Variants in SIK3 observed in about 807,000 individuals in gnomAD.
The protein encoded by SIK3 is serine/threonine-protein kinase SIK3.
A neutral mutation model predicts 144.2 loss-of-function variants in SIK3; 28 were observed. The ratio of observed to expected loss-of-function variants is 0.19; its 90% CI spans 0.14 to 0.27. The LOEUF is 0.27. SIK3 is among the 10% of genes least tolerant of loss of function. SIK3 has a pLI of 1.00. For missense variants in SIK3, 1,319 were observed against 1,776.0 expected, an observed-to-expected ratio of 0.74 and a Z score of 4.62; for synonymous variants, 686 against 676.3, an observed-to-expected ratio of 1.01 and a Z score of -0.22.
intron 21 of SIK3, among the ~76,000 whole-genome samples, chr11:116,854,942 C>T (rs996902589): frequency 2.0e-5 from 3 of 151,654 alleles, no homozygotes; most frequent in Middle Eastern, 3.2e-3. Context: ...AAAAATTAGC[C>T]GGGTGCGGTA....
intron 3 of SIK3, among the ~76,000 whole-genome samples, chr11:116,948,849 C>A (rs2135353484): frequency 2.0e-5 from 3 of 149,692 alleles, no homozygotes; most frequent in Admixed American, 6.7e-5. Context: ...AAAACTGAAG[C>A]AAGCAGAAAG....
intron 1 of SIK3, among the ~76,000 whole-genome samples, chr11:116,981,383 T>TGATGG (rs1950135291): frequency 6.6e-6 from 1 of 152,226 alleles, no homozygotes; most frequent in Admixed American, 6.5e-5. Flanking sequence ...CAGAGTATGC[T>TGATGG]GATGGGTTCC....
intron 1 of SIK3, among the ~76,000 whole-genome samples, chr11:117,019,730 C>G (rs1189128617): frequency 6.6e-6 from 1 of 152,032 alleles, no homozygotes; most frequent in Admixed American, 6.5e-5. Context: ...TCTCCTGCCT[C>G]AGCCTCCTGA....
intron 1 of SIK3, among the ~76,000 whole-genome samples, chr11:116,960,015 G>A (rs1317441211): frequency 3.9e-5 from 6 of 152,116 alleles, no homozygotes; most frequent in Admixed American, 1.3e-4. Context: ...TTGTATCCAT[G>A]CAGCAAAATA....
intron 1 of SIK3, among the ~76,000 whole-genome samples, chr11:117,041,973 C>T (rs1469876785): frequency 6.6e-6 from 1 of 151,770 alleles, no homozygotes; most frequent in Non-Finnish European, 1.5e-5. Flanking sequence ...TCTATTCTTC[C>T]ATTCATATGT....
chr11:116,982,228 A>G (rs977049299), intron 1 of SIK3, among the ~76,000 whole-genome samples: 1 of 150,930 alleles, frequency 6.6e-6, no homozygotes, highest in Non-Finnish European at 1.5e-5. Context: ...CTTTCCTCTA[A>G]TCCTACAAGA....
rs71037442 is a variant in SIK3 at position 117,013,972 on chromosome 11, C to CTTTTTTTTTTTTTTT, written c.274-56923_274-56909dup. On this transcript the variant is annotated intron_variant, in intron 1 of 24. Transcript: ENST00000445177. Reference sequence around the variant, plus strand: ...TGTGTTTTATTTCTTTTTTTCTTTTCTTTTTTTTTTTTTTTTTTTTTTGAG... The same window carrying CTTTTTTTTTTTTTTT: ...TGTGTTTTATTTCTTTTTTTCTTTTCTTTTTTTTTTTTTTTTTTTTTTTTTTTTTTTTTTTTTGAG... Among the ~76,000 whole-genome samples, 226 of 26,954 alleles carry CTTTTTTTTTTTTTTT rather than the reference C, an allele frequency of 8.4e-3. 42 individuals are homozygous for CTTTTTTTTTTTTTTT. Among genetic ancestry groups the CTTTTTTTTTTTTTTT allele is most frequent in the Non-Finnish European group, 0.011 (146 of 13,358 alleles). The allele number at this position is 26,954 out of a possible 152,430, so 17.7% of individuals were successfully genotyped here.
chr11:117,048,573 C>G (rs1473051187), intron 1 of SIK3, among the ~76,000 whole-genome samples: 3 of 151,952 alleles, frequency 2.0e-5, no homozygotes, highest in Non-Finnish European at 4.4e-5. Flanking sequence ...GGAGAATCAC[C>G]TGAACCCTAG....
chr11:116,912,796 A>C (rs934488307), intron 4 of SIK3, among the ~76,000 whole-genome samples: 5 of 152,256 alleles, frequency 3.3e-5, no homozygotes, highest in Non-Finnish European at 7.3e-5. Flanking sequence ...TTAGAGACCC[A>C]AAGATGAAGA....
At chr11:117,053,681 G>A (rs749774209) in intron 1 of SIK3, among the ~76,000 whole-genome samples, 61 of 148,426 alleles carry the variant, frequency 4.1e-4, no homozygotes, top group Non-Finnish European at 7.3e-4. Flanking sequence ...CTGAGACAAG[G>A]TCTTACTCTG....
intron 1 of SIK3, among the ~76,000 whole-genome samples, chr11:117,076,875 A>T (rs1954567727): frequency 6.6e-6 from 1 of 152,126 alleles, no homozygotes; most frequent in African/African-American, 2.4e-5. Flanking sequence ...CTGGAATGAG[A>T]CCAGGTGTGG....
chr11:116,991,524 G>A (rs1220408589), intron 1 of SIK3, among the ~76,000 whole-genome samples: 1 of 152,082 alleles, frequency 6.6e-6, no homozygotes, highest in Non-Finnish European at 1.5e-5. Flanking sequence ...GGTATAATTT[G>A]AACACTCTAA....
At chr11:117,051,508 T>C (rs914821293) in intron 1 of SIK3, among the ~76,000 whole-genome samples, 4 of 151,960 alleles carry the variant, frequency 2.6e-5, no homozygotes, top group South Asian at 2.1e-4. Flanking sequence ...AAACTTATTA[T>C]GAAGGTTTTG....
chr11:116,878,410 G>A (rs906815790), intron 6 of SIK3, among the ~76,000 whole-genome samples: 15 of 141,254 alleles, frequency 1.1e-4, no homozygotes, highest in East Asian at 4.1e-4. Flanking sequence ...ATAGAGTCTC[G>A]CTCTGTCACC....
intron 1 of SIK3, among the ~76,000 whole-genome samples, chr11:116,970,093 T>C (rs1177559690): frequency 3.3e-5 from 5 of 152,084 alleles, no homozygotes; most frequent in Non-Finnish European, 7.4e-5. Context: ...CTAGGCAACA[T>C]AGTGGAATCC....
intron 1 of SIK3, among the ~76,000 whole-genome samples, chr11:117,012,764 T>C (rs2135689430): frequency 6.6e-6 from 1 of 151,928 alleles, no homozygotes; most frequent in African/African-American, 2.4e-5. Context: ...AATTGGGCAC[T>C]TAGGGAAACA....
chr11:117,071,782 ATTTTTTT>A (rs57735255), intron 1 of SIK3, among the ~76,000 whole-genome samples: 16 of 105,640 alleles, frequency 1.5e-4, no homozygotes, highest in Non-Finnish European at 2.4e-4. Flanking sequence ...TGCTTGGTTA[ATTTTTTT>A]TTTTTTTTTT....
chr11:116,953,927 G>T, intron 3 of SIK3, 117 bp downstream of exon 3: 1 of 683,350 alleles, frequency 1.5e-6, no homozygotes, highest in South Asian at 1.9e-5. Flanking sequence ...GAAAATGGCA[G>T]GATTGAAGAA....
intron 1 of SIK3, among the ~76,000 whole-genome samples, chr11:117,046,475 T>C (rs1022030322): frequency 6.6e-6 from 1 of 152,220 alleles, no homozygotes; most frequent in Non-Finnish European, 1.5e-5. Context: ...AAATTTTCAT[T>C]ACAAGTTTTA....
Sources: allele counts gnomAD v4.1 joint callset (sites outside exome capture counted in the v4.1 genomes callset), GRCh38; gene constraint gnomAD v4.1.1; transcripts MANE v1.5; gene names NCBI Gene and HGNC (gene_info 2026-07-23, HGNC 2026-07-21).